Variants in JMJD1C observed in about 807,000 individuals in gnomAD.
JMJD1C encodes jumonji domain-containing protein 1C.
JMJD1C carries 31 observed loss-of-function variants against 245.3 expected under a neutral mutation model. The observed-to-expected ratio is 0.13, with a 90% CI of 0.09 to 0.17. JMJD1C has a LOEUF of 0.17. Ranked by LOEUF, JMJD1C falls within the 10% of genes least tolerant of loss-of-function variation. The pLI is 1.00. For missense variants in JMJD1C, 2,691 were observed against 3,000.2 expected, an observed-to-expected ratio of 0.90 and a Z score of 2.41; for synonymous variants, 1,057 against 1,017.4, an observed-to-expected ratio of 1.04 and a Z score of -0.74.
At chr10:63,333,372 G>C (rs1358623501) in intron 2 of JMJD1C, among the ~76,000 whole-genome samples, 2 of 152,014 alleles carry the variant, frequency 1.3e-5, no homozygotes, top group Non-Finnish European at 2.9e-5. Flanking sequence ...TCAGGCAACA[G>C]GGCGCAACCT....
At chr10:63,392,893 C>CACACAT in intron 1 of JMJD1C, among the ~76,000 whole-genome samples, 1 of 149,140 alleles carries the variant, frequency 6.7e-6, no homozygotes, top group African/African-American at 2.5e-5. Flanking sequence ...CACACACACA[C>CACACAT]ACACACACAC....
At chr10:63,458,800 T>C (rs1952590390) in intron 1 of JMJD1C, among the ~76,000 whole-genome samples, 1 of 151,926 alleles carries the variant, frequency 6.6e-6, no homozygotes, top group African/African-American at 2.4e-5. Context: ...CATGGCTCAA[T>C]GCAGCCTTGA....
chr10:63,285,160 TATA>T (rs1345823545), intron 2 of JMJD1C, among the ~76,000 whole-genome samples: 1 of 152,036 alleles, frequency 6.6e-6, no homozygotes, highest in Non-Finnish European at 1.5e-5. Flanking sequence ...ATCTCATAGG[TATA>T]ATGGAGCCCC....
intron 1 of JMJD1C, among the ~76,000 whole-genome samples, chr10:63,400,116 C>T (rs1948758309): frequency 6.6e-6 from 1 of 152,096 alleles, no homozygotes; most frequent in African/African-American, 2.4e-5. Context: ...CATAATATCC[C>T]ACTTGGGGCA....
chr10:63,295,997 G>A (rs372631392), intron 2 of JMJD1C, among the ~76,000 whole-genome samples: 39,530 of 66,722 alleles, frequency 0.59, 10,067 homozygotes, highest in Non-Finnish European at 0.65. Flanking sequence ...GTGTGTGTGT[G>A]TGTGTGTATA....
chr10:63,255,103 C>T (rs1426282892), intron 3 of JMJD1C, among the ~76,000 whole-genome samples: 1 of 152,148 alleles, frequency 6.6e-6, no homozygotes, highest in Non-Finnish European at 1.5e-5. Context: ...ACCTCGGCCT[C>T]CCAAAGTGCT....
chr10:63,510,299 G>C (rs149352322), intron 1 of JMJD1C, among the ~76,000 whole-genome samples: 1 of 152,042 alleles, frequency 6.6e-6, no homozygotes, highest in South Asian at 2.1e-4. Context: ...CACCGCGCTC[G>C]GCCAATTTTG....
chr10:63,301,805 CTTAAAAGTAAAA>C (rs1163662536), intron 2 of JMJD1C: 1 of 409,342 alleles, frequency 2.4e-6, no homozygotes, highest in Admixed American at 3.2e-5. Flanking sequence ...TATCCCAGAA[CTTAAAAGTAAAA>C]TTAAAAATAA....
intron 1 of JMJD1C, among the ~76,000 whole-genome samples, chr10:63,448,992 C>T (rs1951873019): frequency 6.6e-6 from 1 of 151,930 alleles, no homozygotes; most frequent in South Asian, 2.1e-4. Context: ...TGGCGTGTGC[C>T]TGTAATTCCA....
Position 63,256,600 on chromosome 10 carries a change from A to G in JMJD1C, c.447+8051T>C, listed in dbSNP as rs531219150. Among the ~76,000 whole-genome samples, 8 of 152,312 alleles carry G rather than the reference A, an allele frequency of 5.3e-5. No homozygotes were observed. In the South Asian group the frequency reaches 1.7e-3, roughly 32 times the overall value. Reference sequence around the variant, plus strand: ...ATTGCAAGCTGTCACTTTTGACTTGAAATGGAATAAAGCCAAATATTACAA... The same window carrying G: ...ATTGCAAGCTGTCACTTTTGACTTGGAATGGAATAAAGCCAAATATTACAA... On this transcript the variant is annotated intron_variant, in intron 3 of 25. Transcript: ENST00000399262.
At chr10:63,333,530 C>G (rs1942384006) in intron 2 of JMJD1C, among the ~76,000 whole-genome samples, 1 of 151,192 alleles carries the variant, frequency 6.6e-6, no homozygotes, top group African/African-American at 2.4e-5. Flanking sequence ...GAGACCCTAT[C>G]TCAAAAAAAA....
Position 63,335,657 on chromosome 10 carries a change from A to G in JMJD1C, c.333+44661T>C, listed in dbSNP as rs375912751. Among the ~76,000 whole-genome samples the G allele has an allele frequency of 2.0e-5, 3 of 151,386 alleles. No homozygotes were observed. The South Asian group carries it at 6.2e-4, about 31-fold the overall frequency. ...CTCCCAAGTAGCTAGGATTACAGGCACCTGCCACTGCAACAGCTAATTTCT... is the reference window on the plus strand; with the variant it reads ...CTCCCAAGTAGCTAGGATTACAGGCGCCTGCCACTGCAACAGCTAATTTCT... On this transcript the variant is annotated intron_variant, in intron 2 of 25. Transcript: ENST00000399262.
chr10:63,517,984 G>A (rs1405481377), intron 1 of JMJD1C, among the ~76,000 whole-genome samples: 3 of 152,044 alleles, frequency 2.0e-5, no homozygotes, highest in Non-Finnish European at 4.4e-5. Context: ...GTAGAGATGA[G>A]GTCTTGCCAC....
intron 1 of JMJD1C, among the ~76,000 whole-genome samples, chr10:63,452,898 GGAT>G (rs763434748): frequency 1.3e-5 from 2 of 151,948 alleles, no homozygotes; most frequent in Non-Finnish European, 2.9e-5. Context: ...TTTCTGTTTG[GGAT>G]GATAAACTTC....
intron 2 of JMJD1C, among the ~76,000 whole-genome samples, chr10:63,304,326 T>C (rs947748428): frequency 3.9e-5 from 6 of 152,208 alleles, no homozygotes; most frequent in Non-Finnish European, 8.8e-5. Flanking sequence ...GGCATAAGGC[T>C]GTCTCTACTT....
intron 2 of JMJD1C, among the ~76,000 whole-genome samples, chr10:63,333,457 G>A (rs1463829185): frequency 6.6e-6 from 1 of 152,074 alleles, no homozygotes; most frequent in Non-Finnish European, 1.5e-5. Context: ...ACTGGAGCAG[G>A]TGAAGGGCTT....
intron 1 of JMJD1C, among the ~76,000 whole-genome samples, chr10:63,399,257 A>C (rs1404392381): frequency 6.6e-6 from 1 of 152,126 alleles, no homozygotes; most frequent in African/African-American, 2.4e-5. Flanking sequence ...GTAATCTCTT[A>C]ATAGCTTCTT....
chr10:63,328,926 C>T (rs539294289), intron 2 of JMJD1C, among the ~76,000 whole-genome samples: 1 of 152,282 alleles, frequency 6.6e-6, no homozygotes, highest in Admixed American at 6.5e-5. Context: ...ATCATTTCCA[C>T]AGTGGCAGTG....
At chr10:63,336,872 C>T (rs1564803031) in intron 2 of JMJD1C, among the ~76,000 whole-genome samples, 1 of 151,884 alleles carries the variant, frequency 6.6e-6, no homozygotes, top group Non-Finnish European at 1.5e-5. Context: ...AAGACAGAGA[C>T]TTGCTCTGTT....
Sources: allele counts gnomAD v4.1 joint callset (sites outside exome capture counted in the v4.1 genomes callset), GRCh38; gene constraint gnomAD v4.1.1; transcripts MANE v1.5; gene names NCBI Gene and HGNC (gene_info 2026-07-23, HGNC 2026-07-21).